GYPC: variants seen among roughly 807,000 people sequenced by gnomAD.
The protein encoded by GYPC is glycophorin C (Gerbich blood group).
Under a neutral mutation model 12.6 loss-of-function variants are expected in GYPC, and 14 were observed. That is an observed-to-expected ratio of 1.11 (90% CI 0.74 to 1.74). GYPC has a LOEUF of 1.74. GYPC is among the 40% of genes most tolerant of loss of function. The pLI is 0.00. For synonymous variants in GYPC, 78 were observed against 62.1 expected (o/e 1.26, Z -1.20); for missense variants, 225 against 172.1 (o/e 1.31, Z -1.72).
chr2:126,688,139 T>A (rs917253240), intron 1 of GYPC, among the ~76,000 whole-genome samples: 1 of 152,214 alleles, frequency 6.6e-6, no homozygotes, highest in South Asian at 2.1e-4. Flanking sequence ...GAGCAGCACC[T>A]GGCATTTAGT....
chr2:126,694,021 A>G, intron 3 of GYPC, 74 bp downstream of exon 3: 2 of 1,033,622 alleles, frequency 1.9e-6, no homozygotes, highest in Non-Finnish European at 3.1e-6. Flanking sequence ...GGGAGAACTG[A>G]CCTAAGGACT....
chr2:126,663,845 C>A (rs144281531), intron 1 of GYPC, among the ~76,000 whole-genome samples: 1 of 152,138 alleles, frequency 6.6e-6, no homozygotes, highest in Admixed American at 6.5e-5. Flanking sequence ...CTCACCTGGC[C>A]CTCATGCGCT....
chr2:126,681,794 A>G (rs1683157336), intron 1 of GYPC, among the ~76,000 whole-genome samples: 1 of 105,876 alleles, frequency 9.4e-6, no homozygotes, highest in East Asian at 5.6e-4. Flanking sequence ...AAAAAAAAAA[A>G]GAAAGAAAGA....
intron 1 of GYPC, among the ~76,000 whole-genome samples, chr2:126,669,701 T>A (rs958489465): frequency 6.6e-6 from 1 of 152,218 alleles, no homozygotes; most frequent in African/African-American, 2.4e-5. Flanking sequence ...GAAGTCAAAA[T>A]GCCTCTTTCA....
At chr2:126,666,491 A>G (rs1365460549) in intron 1 of GYPC, among the ~76,000 whole-genome samples, 1 of 152,214 alleles carries the variant, frequency 6.6e-6, no homozygotes, top group Non-Finnish European at 1.5e-5. Context: ...AGACCTCAGG[A>G]AAGTTCAGTG....
intron 3 of GYPC, 56 bp from the exon 4 acceptor site, chr2:126,695,890 C>T: frequency 1.4e-6 from 2 of 1,418,756 alleles, no homozygotes; most frequent in South Asian, 2.3e-5. Flanking sequence ...TGACCACCAT[C>T]CCAGGCCCCA....
intron 1 of GYPC, among the ~76,000 whole-genome samples, chr2:126,662,399 A>AT (rs1318403918): frequency 6.6e-6 from 1 of 152,084 alleles, no homozygotes; most frequent in Non-Finnish European, 1.5e-5. Flanking sequence ...CCCCTTCTGT[A>AT]TTTTTTCTTA....
chr2:126,685,018 C>T (rs1003417508), intron 1 of GYPC, among the ~76,000 whole-genome samples: 13 of 152,244 alleles, frequency 8.5e-5, no homozygotes, highest in Admixed American at 4.6e-4. Flanking sequence ...GAAATGGATG[C>T]GTGGGTAATA....
At chr2:126,659,971 G>A (rs953162713) in intron 1 of GYPC, among the ~76,000 whole-genome samples, 8 of 151,982 alleles carry the variant, frequency 5.3e-5, no homozygotes, top group East Asian at 1.9e-4. Context: ...TGTATTTTTT[G>A]TAGAGACTTT....
chr2:126,676,660 G>A (rs919432617), intron 1 of GYPC, among the ~76,000 whole-genome samples: 1 of 152,188 alleles, frequency 6.6e-6, no homozygotes, highest in Non-Finnish European at 1.5e-5. Context: ...CCTGGATAGG[G>A]GGCTGGGAAG....
At chr2:126,670,652 C>T (rs941670791) in intron 1 of GYPC, among the ~76,000 whole-genome samples, 1 of 152,172 alleles carries the variant, frequency 6.6e-6, no homozygotes, top group African/African-American at 2.4e-5. Flanking sequence ...TTAGTCCCCA[C>T]AGGCACCTTG....
At chr2:126,670,186 C>T (rs954913216) in intron 1 of GYPC, among the ~76,000 whole-genome samples, 2 of 152,244 alleles carry the variant, frequency 1.3e-5, no homozygotes, top group African/African-American at 4.8e-5. Context: ...CTCAGGGAGG[C>T]TTGTGCTGCA....
intron 1 of GYPC, chr2:126,675,794 G>T (rs1682980415): frequency 5.0e-6 from 2 of 403,914 alleles, no homozygotes; most frequent in Non-Finnish European, 6.7e-6. Flanking sequence ...AGTAGTGATG[G>T]TGGAAGAAGT....
intron 1 of GYPC, among the ~76,000 whole-genome samples, chr2:126,665,197 C>T (rs1160994742): frequency 6.6e-6 from 1 of 152,152 alleles, no homozygotes; most frequent in Non-Finnish European, 1.5e-5. Flanking sequence ...CTTTGAGATA[C>T]AATCTCTTGC....
rs571157779 is a variant in GYPC, at chr2:126,693,968, C to G, written c.190+21C>G. The G allele has an allele frequency of 3.5e-5, 53 of 1,526,234 alleles. No individual in the cohort carries two copies. The South Asian group carries it at 5.9e-4, about 17-fold the overall frequency. The allele number at this position is 1,526,234 out of a possible 1,614,324, so 94.5% of individuals were successfully genotyped here. The stretch of plus-strand genomic sequence containing the variant: ...TGCAGGTGAGCTCTCATCACAGAGC[C>G]CTTCAAGCAGCCAGGGTGGGGGGCC... On this transcript the variant is annotated intron_variant, in intron 3 of 3. Coordinates refer to ENST00000259254, the MANE Select transcript of GYPC (RefSeq NM_002101.5).
intron 1 of GYPC, among the ~76,000 whole-genome samples, chr2:126,669,550 C>G (rs1198427487): frequency 6.6e-6 from 1 of 152,172 alleles, no homozygotes; most frequent in East Asian, 1.9e-4. Flanking sequence ...TTATATCAGG[C>G]CTTGGTAATT....
chr2:126,660,443 G>T (rs934665564), intron 1 of GYPC, among the ~76,000 whole-genome samples: 1 of 152,174 alleles, frequency 6.6e-6, no homozygotes, highest in African/African-American at 2.4e-5. Flanking sequence ...CACGCCGCGG[G>T]CCTGGCACAC....
intron 1 of GYPC, among the ~76,000 whole-genome samples, chr2:126,682,246 G>T (rs1683168820): frequency 1.3e-5 from 2 of 152,192 alleles, no homozygotes; most frequent in African/African-American, 4.8e-5. Context: ...CTGGAGCTCA[G>T]CTATCCTTAA....
At chr2:126,665,444 G>A (rs777025609) in intron 1 of GYPC, among the ~76,000 whole-genome samples, 1 of 152,180 alleles carries the variant, frequency 6.6e-6, no homozygotes, top group Non-Finnish European at 1.5e-5. Flanking sequence ...TCAGGCATCC[G>A]CTGGGGGTCT....
Sources: allele counts gnomAD v4.1 joint callset (sites outside exome capture counted in the v4.1 genomes callset), GRCh38; gene constraint gnomAD v4.1.1; transcripts MANE v1.5; gene names NCBI Gene and HGNC (gene_info 2026-07-23, HGNC 2026-07-21).